SCUBE1: variants seen among roughly 807,000 people sequenced by gnomAD.
SCUBE1 encodes the protein signal peptide, CUB domain and EGF like domain containing 1.
SCUBE1 carries 59 observed loss-of-function variants against 124.4 expected under a neutral mutation model. The observed-to-expected ratio is 0.47, with a 90% confidence interval of 0.38 to 0.59. SCUBE1 has a LOEUF of 0.59. Among genes scored for constraint, SCUBE1 ranks in the 20% least tolerant of loss-of-function variants. The pLI is 0.00. For synonymous variants in SCUBE1, 545 were observed against 550.9 expected, an observed-to-expected ratio of 0.99 and a Z score of 0.15; for missense variants, 1,150 against 1,371.2, an observed-to-expected ratio of 0.84 and a Z score of 2.55.
chr22:43,304,406 T>A (rs893007302), intron 3 of SCUBE1, among the ~76,000 whole-genome samples: 2 of 151,874 alleles, frequency 1.3e-5, no homozygotes, highest in Non-Finnish European at 2.9e-5. Flanking sequence ...GAAAGAGAGG[T>A]GGTGAGGACA....
chr22:43,252,733 T>C (rs746964218), intron 6 of SCUBE1, among the ~76,000 whole-genome samples: 7 of 152,176 alleles, frequency 4.6e-5, no homozygotes, highest in Non-Finnish European at 7.3e-5. Flanking sequence ...CCCCTCACCA[T>C]CTGGGCTGCT....
At chr22:43,315,952 G>A (rs1400172583) in intron 3 of SCUBE1, among the ~76,000 whole-genome samples, 1 of 152,166 alleles carries the variant, frequency 6.6e-6, no homozygotes, top group Non-Finnish European at 1.5e-5. Flanking sequence ...TTCTGCACAG[G>A]TAAGAGTACA....
intron 8 of SCUBE1, 138 bp downstream of exon 8, chr22:43,231,615 G>A: frequency 9.8e-7 from 1 of 1,017,272 alleles, no homozygotes; most frequent in South Asian, 1.6e-5. Flanking sequence ...GTCCCCTAGA[G>A]TCGTAAAGGA....
chr22:43,210,299 G>A lies in SCUBE1; in HGVS notation c.2384-59C>T. The stretch of plus-strand genomic sequence containing the variant: ...CTCTGCTGGGCAGGGGCCCTGGCCG[G>A]CCAGGCCTCTAACCACCTGGGAGGC... On this transcript the variant is annotated intron_variant, in intron 18 of 21. Transcript: ENST00000360835. This position sits in a 1 kb window ranked among gnomAD's most constrained non-coding sequence, Gnocchi z 4.5. The A allele has an allele frequency of 7.0e-7, 1 of 1,430,022 alleles. No individual in the cohort carries two copies. Among genetic ancestry groups the A allele is most frequent in the Admixed American group, 2.5e-5 (1 of 39,600 alleles). 88.6% of individuals were successfully genotyped at this position (1,430,022 alleles called of 1,614,324 possible). A position where few individuals can be genotyped will look rare whatever the true frequency, so the allele number is the denominator to read the frequency against.
At chr22:43,229,722 G>A (rs534626999) in intron 8 of SCUBE1, among the ~76,000 whole-genome samples, 30 of 152,304 alleles carry the variant, frequency 2.0e-4, no homozygotes, top group Non-Finnish European at 2.8e-4. Flanking sequence ...AGGTCAAAAA[G>A]GGAGCTCTGA....
At position 43,264,068 on chromosome 22, in the gene SCUBE1, C is replaced by T. The variant is rs536706168; in HGVS notation, c.485-1223G>A. Among the ~76,000 whole-genome samples the T allele has an allele frequency of 6.9e-4, 105 of 152,316 alleles. 1 individual carries two copies. The highest frequency in any genetic ancestry group is 1.5e-3 in the South Asian group (7 of 4,824). On this transcript the variant is annotated intron_variant, in intron 4 of 21. Transcript: ENST00000360835. Reference sequence around the variant, plus strand: ...TTTACCAATTTACGTGGGATAAATACGCCAGCCACGGCTAATTTCAAGGTA... The same window carrying T: ...TTTACCAATTTACGTGGGATAAATATGCCAGCCACGGCTAATTTCAAGGTA...
chr22:43,219,887 G>A (rs1055360553), intron 14 of SCUBE1, among the ~76,000 whole-genome samples: 7 of 151,734 alleles, frequency 4.6e-5, no homozygotes, highest in Admixed American at 3.9e-4. Flanking sequence ...TGGTTTGCAC[G>A]TGCGTCTGCC....
At chr22:43,268,415 T>C (rs1924160340) in intron 4 of SCUBE1, among the ~76,000 whole-genome samples, 2 of 152,314 alleles carry the variant, frequency 1.3e-5, no homozygotes, top group South Asian at 2.1e-4. Context: ...GAAATCCTGG[T>C]CTTCAGAGGC....
At chr22:43,230,699 C>T (rs753849833) in intron 8 of SCUBE1, among the ~76,000 whole-genome samples, 103 of 152,340 alleles carry the variant, frequency 6.8e-4, no homozygotes, top group Admixed American at 1.3e-3. Flanking sequence ...GCCAGGATGC[C>T]CGTCCAGGGA....
At chr22:43,337,093 A>G (rs971225288) in intron 2 of SCUBE1, among the ~76,000 whole-genome samples, 8 of 152,174 alleles carry the variant, frequency 5.3e-5, no homozygotes, top group South Asian at 2.1e-4. Flanking sequence ...CCCGAAGCAC[A>G]TTCACAAGCC....
chr22:43,239,679 C>T (rs1014097638), intron 6 of SCUBE1, among the ~76,000 whole-genome samples: 1 of 152,256 alleles, frequency 6.6e-6, no homozygotes, highest in African/African-American at 2.4e-5. Context: ...AGAGCTGGCA[C>T]ACCAGGATGC....
At chr22:43,335,278 G>A (rs112631417) in intron 2 of SCUBE1, among the ~76,000 whole-genome samples, 6 of 152,182 alleles carry the variant, frequency 3.9e-5, no homozygotes, top group African/African-American at 7.2e-5. Context: ...ATGGTTCTCC[G>A]TGTTTATGTG....
intron 4 of SCUBE1, among the ~76,000 whole-genome samples, chr22:43,284,999 G>A (rs576202487): frequency 3.3e-5 from 5 of 152,244 alleles, no homozygotes; most frequent in Admixed American, 3.3e-4. Context: ...AACAAACTCC[G>A]AACGTTAACC....
At chr22:43,220,692 T>C in intron 13 of SCUBE1, 105 bp from the exon 14 acceptor site, 1 of 1,415,246 alleles carries the variant, frequency 7.1e-7, no homozygotes, top group Admixed American at 2.1e-5. Context: ...TCCTGGTCCG[T>C]GGTGCAGACG....
Position 43,212,515 on chromosome 22 carries a change from C to G in SCUBE1, c.2131G>C (p.Glu711Gln), listed in dbSNP as rs996139048. Residue 711 changes from glutamate to glutamine, a missense_variant, in exon 17 of 22, where the codon GAG becomes CAG. Glu to Gln is a conservative substitution (Grantham distance 29, BLOSUM62 2). Around this residue, in one of 3 missense-constraint regions of SCUBE1, gnomAD observed 757 missense variants for 840.9 expected, o/e 0.90. Coordinates refer to ENST00000360835, the MANE Select transcript of SCUBE1 (RefSeq NM_173050.5). ...QACPVGTYQP[E>Q]PGRTGCFPCG... is the part of the protein sequence containing the mutation. The stretch of plus-strand genomic sequence containing the variant: ...GGGAAGCAGCCGGTGCGCCCGGGCT[C>G]AGGCTGGTACGTGCCCACGGGGCAG... 1.3e-6 allele frequency: 2 copies of G among 1,559,304 alleles called. No individual in the cohort carries two copies. Among genetic ancestry groups the G allele is most frequent in the African/African-American group, 1.4e-5 (1 of 73,538 alleles).
In SCUBE1 at chr22:43,220,484, C is replaced by T; in HGVS notation, c.1653G>A (p.Glu551=). ...CTTCCATCTTTGTCTCGATCTCAAACTCTGCTGTGATGTGGGACACCTCCT... is the reference window on the plus strand; with the variant it reads ...CTTCCATCTTTGTCTCGATCTCAAATTCTGCTGTGATGTGGGACACCTCCT... ...PSKEVSHITA[E]FEIETKMEEA... Residue 551 remains glutamate (E), a synonymous_variant, in exon 14 of 22, where the codon GAG becomes GAA. Coordinates refer to ENST00000360835, the MANE Select transcript of SCUBE1 (RefSeq NM_173050.5). The T allele has an allele frequency of 6.2e-7, 1 of 1,614,146 alleles. No homozygotes were observed. The highest frequency in any genetic ancestry group is 1.7e-5 in the Admixed American group (1 of 60,030).
At chr22:43,204,854 G>C (rs1234480857) in intron 21 of SCUBE1, among the ~76,000 whole-genome samples, 1 of 150,948 alleles carries the variant, frequency 6.6e-6, no homozygotes, top group Non-Finnish European at 1.5e-5. Flanking sequence ...TGAGGCATGA[G>C]AACTGCTTGA....
At chr22:43,249,433 G>A (rs1220524800) in intron 6 of SCUBE1, among the ~76,000 whole-genome samples, 1 of 152,152 alleles carries the variant, frequency 6.6e-6, no homozygotes, top group Non-Finnish European at 1.5e-5. Context: ...GCACTTAAAT[G>A]ATGCTGGGGA....
chr22:43,250,976 A>G (rs1490674050), intron 6 of SCUBE1, among the ~76,000 whole-genome samples: 2 of 152,202 alleles, frequency 1.3e-5, no homozygotes, highest in Non-Finnish European at 2.9e-5. Flanking sequence ...GGCTTTGCTC[A>G]CTGGCTATGT....
Sources: gnomAD v4.1 joint callset for allele counts (sites outside exome capture counted in the v4.1 genomes callset) on GRCh38, gnomAD v4.1.1 for gene constraint, gnomAD v4.1.1 regional missense constraint, Gnocchi (gnomAD v3.1) non-coding constraint, MANE v1.5 for transcripts, NCBI Gene and HGNC (gene_info 2026-07-23, HGNC 2026-07-21) for gene names.